CERS4: variants seen among roughly 807,000 people sequenced by gnomAD.
CERS4 encodes LAG1 homolog, ceramide synthase 4.
Under a neutral mutation model 51.8 loss-of-function variants are expected in CERS4, and 65 were observed. The observed-to-expected ratio is 1.26, with a 90% CI of 1.03 to 1.54. The LOEUF is 1.54. CERS4 is among the 40% of genes most tolerant of loss of function. CERS4 has a pLI of 0.00. For synonymous variants in CERS4, 228 were observed against 208.4 expected (o/e 1.09, Z -0.81); for missense variants, 563 against 500.4 (o/e 1.13, Z -1.19).
chr19:8,229,975 C>G (rs1261050635), intron 2 of CERS4, among the ~76,000 whole-genome samples: 1 of 152,214 alleles, frequency 6.6e-6, no homozygotes, highest in Non-Finnish European at 1.5e-5. Context: ...ATCTTCCCGC[C>G]TCAGCCTCCC....
chr19:8,261,203 CT>C (rs563300197), intron 10 of CERS4: 2,140 of 152,620 alleles, frequency 0.014, 17 homozygotes, highest in Non-Finnish European at 0.021. Flanking sequence ...GGCCCCACCC[CT>C]TTTTTACTCC....
intron 2 of CERS4, among the ~76,000 whole-genome samples, chr19:8,213,246 A>T (rs1967153127): frequency 6.6e-6 from 1 of 151,778 alleles, no homozygotes; most frequent in African/African-American, 2.4e-5. Flanking sequence ...CTGGTCTGAA[A>T]CTATTGAGCT....
chr19:8,229,375 C>A (rs1476347453), intron 2 of CERS4, among the ~76,000 whole-genome samples: 1 of 147,394 alleles, frequency 6.8e-6, no homozygotes, highest in Non-Finnish European at 1.5e-5. Context: ...CCCTTAGAGC[C>A]TTCTTCTTCT....
chr19:8,253,555 G>A (rs1969206818), intron 3 of CERS4, among the ~76,000 whole-genome samples: 1 of 150,526 alleles, frequency 6.6e-6, no homozygotes, highest in Admixed American at 6.7e-5. Context: ...CGCCTCCTGG[G>A]TTCACACCAT....
intron 2 of CERS4, among the ~76,000 whole-genome samples, chr19:8,243,603 C>A (rs1968630761): frequency 6.6e-6 from 1 of 152,080 alleles, no homozygotes; most frequent in Non-Finnish European, 1.5e-5. Context: ...GTCAGTTGCC[C>A]CATAGCATGG....
chr19:8,246,451 C>T (rs977908766), intron 2 of CERS4, among the ~76,000 whole-genome samples: 13 of 151,404 alleles, frequency 8.6e-5, no homozygotes, highest in African/African-American at 4.9e-5. Context: ...CCTGGCTCTG[C>T]GGGGGCTGAC....
chr19:8,258,931 C>T (rs1969534758), intron 10 of CERS4, among the ~76,000 whole-genome samples: 2 of 151,794 alleles, frequency 1.3e-5, no homozygotes, highest in Admixed American at 1.3e-4. Context: ...GTCAGGAGAT[C>T]GAGACCACTT....
At position 8,262,396 on chromosome 19, in the gene CERS4, G is replaced by C. The variant is rs1016090124; in HGVS notation, c.*287G>C. ...TGGGGGGAGCCCCAGGCTGAAAAGG[G>C]TCCAATTAAAACAAATGGAGCCAAA... On this transcript the variant is annotated 3_prime_UTR_variant, in exon 12 of 12. Transcript: ENST00000251363. 1 of 364,338 alleles carries C rather than the reference G, an allele frequency of 2.7e-6. No homozygotes were observed. 22.6% of individuals were successfully genotyped at this position (364,338 alleles called of 1,614,324 possible). A position where few individuals can be genotyped will look rare whatever the true frequency, so the allele number is the denominator to read the frequency against.
At chr19:8,254,004 C>T (rs1028445993) in intron 3 of CERS4, among the ~76,000 whole-genome samples, 13 of 152,000 alleles carry the variant, frequency 8.6e-5, no homozygotes, top group Non-Finnish European at 1.6e-4. Context: ...GGCCTCCAAA[C>T]CCTCTGATCA....
chr19:8,244,077 G>A (rs900451861), intron 2 of CERS4, among the ~76,000 whole-genome samples: 3 of 152,208 alleles, frequency 2.0e-5, no homozygotes, highest in African/African-American at 7.2e-5. Context: ...AGAAGACGGA[G>A]GCAGGAGAGA....
chr19:8,231,098 C>T (rs1377484190), intron 2 of CERS4, among the ~76,000 whole-genome samples: 3 of 152,142 alleles, frequency 2.0e-5, no homozygotes, highest in Non-Finnish European at 4.4e-5. Flanking sequence ...CTTGGCGTCT[C>T]AAAGTGCTGG....
intron 2 of CERS4, among the ~76,000 whole-genome samples, chr19:8,226,966 T>C (rs564776729): frequency 8.5e-5 from 13 of 152,192 alleles, no homozygotes; most frequent in Non-Finnish European, 1.8e-4. Flanking sequence ...CTGTCTCTAC[T>C]AAAAATACAA....
chr19:8,216,401 T>G (rs1387815298), intron 2 of CERS4, among the ~76,000 whole-genome samples: 3 of 145,286 alleles, frequency 2.1e-5, no homozygotes, highest in Non-Finnish European at 4.5e-5. Context: ...AAAAAGAAAA[T>G]TACAGCCCCC....
At chr19:8,261,404 G>T in intron 10 of CERS4, 2 of 440,050 alleles carry the variant, frequency 4.5e-6, no homozygotes, top group Non-Finnish European at 8.3e-6. Flanking sequence ...AGCTGCCAGA[G>T]TGCCACCCAG....
intron 2 of CERS4, among the ~76,000 whole-genome samples, chr19:8,225,315 C>T (rs1967738519): frequency 1.3e-5 from 2 of 151,846 alleles, no homozygotes; most frequent in African/African-American, 4.8e-5. Flanking sequence ...GAGGCTGCGA[C>T]TGATGGCCAA....
At chr19:8,244,409 C>T (rs1435720751) in intron 2 of CERS4, among the ~76,000 whole-genome samples, 2 of 152,204 alleles carry the variant, frequency 1.3e-5, no homozygotes, top group Non-Finnish European at 2.9e-5. Flanking sequence ...ATATTATTAA[C>T]TAAAATCATC....
At chr19:8,219,162 G>A (rs907323584) in intron 2 of CERS4, among the ~76,000 whole-genome samples, 16 of 152,126 alleles carry the variant, frequency 1.1e-4, no homozygotes, top group Non-Finnish European at 1.9e-4. Context: ...AGCCTAGATC[G>A]TGCCATTGTA....
chr19:8,221,570 G>A (rs1967544091), intron 2 of CERS4, among the ~76,000 whole-genome samples: 1 of 150,502 alleles, frequency 6.6e-6, no homozygotes. Context: ...TTTTGAGACG[G>A]AATCTTGCTC....
intron 11 of CERS4, 31 bp from the exon 12 acceptor site, chr19:8,261,897 GCT>G (rs1163040302): frequency 3.7e-6 from 6 of 1,611,816 alleles, no homozygotes; most frequent in African/African-American, 1.3e-5. Flanking sequence ...CTTCCTCCCT[GCT>G]CTGAGCTCCA....
Sources: allele counts gnomAD v4.1 joint callset (sites outside exome capture counted in the v4.1 genomes callset), GRCh38; gene constraint gnomAD v4.1.1; transcripts MANE v1.5; gene names NCBI Gene and HGNC (gene_info 2026-07-23, HGNC 2026-07-21).